Variants in LAMB4 observed in about 807,000 individuals in gnomAD.
The protein encoded by LAMB4 is laminin subunit beta-4.
A neutral mutation model predicts 199.2 loss-of-function variants in LAMB4; 196 were observed. The ratio of observed to expected loss-of-function variants is 0.98; its 90% CI spans 0.88 to 1.11. The LOEUF is 1.11. LAMB4 is among the 50% of genes least tolerant of loss of function. The pLI is 0.00. For missense variants in LAMB4, 2,080 were observed against 2,171.2 expected, an observed-to-expected ratio of 0.96 and a Z score of 0.83; for synonymous variants, 744 against 770.6, an observed-to-expected ratio of 0.97 and a Z score of 0.57.
At chr7:108,105,671 C>A in intron 8 of LAMB4, 146 bp downstream of exon 8, 2 of 678,978 alleles carry the variant, frequency 2.9e-6, no homozygotes, top group Non-Finnish European at 5.1e-6. Flanking sequence ...GGTGGCCTAT[C>A]AGGATAGGTT....
intron 14 of LAMB4, 132 bp downstream of exon 14, chr7:108,091,494 A>C: frequency 1.0e-6 from 1 of 993,948 alleles, no homozygotes; most frequent in Non-Finnish European, 1.5e-6. Context: ...GGTTATAATA[A>C]ACTCTGATCT....
chr7:108,043,979 G>C (rs150037848), intron 28 of LAMB4, 83 bp from the exon 29 acceptor site: 1 of 1,231,620 alleles, frequency 8.1e-7, no homozygotes, highest in Non-Finnish European at 1.1e-6. Flanking sequence ...TACTTAGCTG[G>C]ACCAAATAAA....
At chr7:108,109,333 A>G in intron 4 of LAMB4, 89 bp from the exon 5 acceptor site, 1 of 970,116 alleles carries the variant, frequency 1.0e-6, no homozygotes, top group Admixed American at 1.8e-5. Context: ...TATCTGTAAT[A>G]AAATCTCTTT....
Position 108,066,581 on chromosome 7 carries a change from T to G in LAMB4, c.2466A>C (p.Gln822His). The G allele has an allele frequency of 6.2e-7, 1 of 1,609,998 alleles. No individual in the cohort carries two copies. Among genetic ancestry groups the G allele is most frequent in the Non-Finnish European group, 8.5e-7 (1 of 1,177,844 alleles). ...GGTCACATACAGTGTCCTTTGATCC[T>G]TGAGGATGGCAGTGACATGCTGGAT... ...HGCHPCHCHP[Q>H]GSKDTVCDQV... Residue 822 changes from glutamine (Q) to histidine (H), a missense_variant, in exon 20 of 34, where the codon CAA becomes CAC. Gln to His is a conservative substitution (Grantham distance 24). Coordinates refer to ENST00000388781, the MANE Select transcript of LAMB4 (RefSeq NM_007356.3).
intron 29 of LAMB4, among the ~76,000 whole-genome samples, chr7:108,042,935 C>CTG (rs1435500482): frequency 3.2e-3 from 351 of 109,046 alleles, no homozygotes; most frequent in African/African-American, 0.018. Flanking sequence ...CTCTCTCAAT[C>CTG]TCTGTGTGTG....
chr7:108,060,963 C>T (rs1048509935), intron 23 of LAMB4, among the ~76,000 whole-genome samples: 8 of 152,182 alleles, frequency 5.3e-5, no homozygotes, highest in African/African-American at 1.9e-4. Context: ...AACAGTCTGA[C>T]AAACACTGCT....
chr7:108,059,732 G>A (rs2036100270), intron 23 of LAMB4, among the ~76,000 whole-genome samples: 1 of 151,960 alleles, frequency 6.6e-6, no homozygotes, highest in South Asian at 2.1e-4. Flanking sequence ...TGCACGCAAT[G>A]AAAATCCTCA....
intron 4 of LAMB4, among the ~76,000 whole-genome samples, chr7:108,110,850 T>C (rs2038198370): frequency 6.6e-6 from 1 of 152,194 alleles, no homozygotes; most frequent in Non-Finnish European, 1.5e-5. Flanking sequence ...TGGCATTTAG[T>C]AGACACAGTC....
At chr7:108,045,403 T>G (rs1325978916) in intron 28 of LAMB4, among the ~76,000 whole-genome samples, 2 of 152,224 alleles carry the variant, frequency 1.3e-5, no homozygotes, top group African/African-American at 2.4e-5. Context: ...CAATCTCTTC[T>G]GGCACTCTTC....
chr7:108,110,334 A>G (rs2038177484), intron 4 of LAMB4, among the ~76,000 whole-genome samples: 1 of 152,120 alleles, frequency 6.6e-6, no homozygotes, highest in Non-Finnish European at 1.5e-5. Flanking sequence ...CTGCCAGAAA[A>G]TCAGTGATTC....
At chr7:108,096,767 CA>C (rs1207456579) in intron 11 of LAMB4, among the ~76,000 whole-genome samples, 6,406 of 67,582 alleles carry the variant, frequency 0.095, 193 homozygotes, top group East Asian at 0.22. Context: ...CTCCGTCTCT[CA>C]AAAAAAAAAA....
At chr7:108,123,828 A>G (rs2150700505) in intron 1 of LAMB4, among the ~76,000 whole-genome samples, 1 of 152,330 alleles carries the variant, frequency 6.6e-6, no homozygotes, top group African/African-American at 2.4e-5. Flanking sequence ...TTTTATCAAG[A>G]TTAAGATCAC....
rs201070216 is a variant in LAMB4, at chr7:108,030,675, A to G, written c.4992+131T>C. The G allele has an allele frequency of 8.0e-5, 66 of 828,506 alleles. 1 individual carries two copies. The East Asian group carries it at 1.6e-3, about 20-fold the overall frequency. The allele number at this position is 828,506 out of a possible 1,614,324, so 51.3% of individuals were successfully genotyped here. On this transcript the variant is annotated intron_variant, in intron 32 of 33. Coordinates refer to ENST00000388781, the MANE Select transcript of LAMB4 (RefSeq NM_007356.3). The stretch of plus-strand genomic sequence containing the variant: ...CCTTTGTGCATCAGGATCCCCTCAA[A>G]GATATACCATTGAGTCATGGACCAG...
At chr7:108,108,771 A>C (rs949284115) in intron 5 of LAMB4, among the ~76,000 whole-genome samples, 37 of 151,890 alleles carry the variant, frequency 2.4e-4, no homozygotes, top group Admixed American at 1.6e-3. Context: ...TAGCACAATG[A>C]TTTTCTCTGT....
At chr7:108,123,957 T>C (rs926825179) in intron 1 of LAMB4, among the ~76,000 whole-genome samples, 1 of 151,958 alleles carries the variant, frequency 6.6e-6, no homozygotes, top group African/African-American at 2.4e-5. Flanking sequence ...TGATCCAGAG[T>C]GGAGTACATA....
intron 14 of LAMB4, among the ~76,000 whole-genome samples, chr7:108,083,003 A>G (rs1452371437): frequency 6.6e-6 from 1 of 152,230 alleles, no homozygotes; most frequent in Non-Finnish European, 1.5e-5. Flanking sequence ...ACTAGAGCAG[A>G]TTAATACAGC....
intron 1 of LAMB4, among the ~76,000 whole-genome samples, chr7:108,128,940 C>T (rs1012856799): frequency 3.9e-5 from 6 of 152,146 alleles, no homozygotes; most frequent in South Asian, 2.1e-4. Flanking sequence ...TTTCCAAAGG[C>T]GCTGGGTGCA....
intron 1 of LAMB4, among the ~76,000 whole-genome samples, chr7:108,129,650 A>G (rs948810954): frequency 7.9e-5 from 12 of 151,092 alleles, no homozygotes; most frequent in African/African-American, 2.9e-4. Flanking sequence ...CAGTCCTTCC[A>G]TCTCAACCTC....
intron 28 of LAMB4, among the ~76,000 whole-genome samples, chr7:108,044,955 C>CAAAAAAAAAAAA (rs756256335): frequency 3.5e-5 from 2 of 56,476 alleles, no homozygotes; most frequent in African/African-American, 1.5e-4. Context: ...ATTCTTGTCT[C>CAAAAAAAAAAAA]AAAAAAAAAA....
Sources: allele counts gnomAD v4.1 joint callset (sites outside exome capture counted in the v4.1 genomes callset), GRCh38; gene constraint gnomAD v4.1.1; transcripts MANE v1.5; gene names NCBI Gene and HGNC (gene_info 2026-07-23, HGNC 2026-07-21).